PIKFYVE: variants seen among roughly 807,000 people sequenced by gnomAD.
PIKFYVE encodes 1-phosphatidylinositol 3-phosphate 5-kinase.
PIKFYVE carries 122 observed loss-of-function variants against 257.9 expected under a neutral mutation model. The observed-to-expected ratio is 0.47, with a 90% CI of 0.41 to 0.55. The LOEUF (loss-of-function observed/expected upper bound fraction) is 0.55. PIKFYVE is among the 20% of genes least tolerant of loss of function. PIKFYVE has a pLI of 0.00. For missense variants in PIKFYVE, 2,160 were observed against 2,536.6 expected (o/e 0.85, Z 3.19); for synonymous variants, 892 against 868.9 (o/e 1.03, Z -0.47).
intron 12 of PIKFYVE, among the ~76,000 whole-genome samples, chr2:208,305,756 T>A (rs1391959343): frequency 2.0e-5 from 3 of 152,202 alleles, no homozygotes; most frequent in African/African-American, 7.2e-5. Context: ...CAATTTAAAT[T>A]ATAGTCCTAT....
At position 208,274,116 on chromosome 2, in the gene PIKFYVE, T is replaced by C. The variant is rs1689787759; in HGVS notation, c.322+383T>C. 4 of 1,522,186 alleles carry C rather than the reference T, an allele frequency of 2.6e-6. No individual in the cohort carries two copies. In the South Asian group the frequency reaches 4.6e-5, roughly 18 times the overall value. 94.3% of individuals were successfully genotyped at this position (1,522,186 alleles called of 1,614,324 possible). A position where few individuals can be genotyped will look rare whatever the true frequency, so the allele number is the denominator to read the frequency against. ...CTTGGGGTGCTAGTGAAATGTGATA[T>C]GCATGCCTCTGGCTGCAGAACTCTG... On this transcript the variant is annotated intron_variant, in intron 3 of 41. Transcript: ENST00000264380.
At chr2:208,273,490 C>T in intron 2 of PIKFYVE, 94 bp from the exon 3 acceptor site, 2 of 1,423,956 alleles carry the variant, frequency 1.4e-6, no homozygotes, top group South Asian at 1.2e-5. Flanking sequence ...GCATATAATA[C>T]ATGCATACAT....
Position 208,325,475 on chromosome 2 carries a change from A to G in PIKFYVE, c.2664A>G (p.Ser888=). 5 of 1,614,186 alleles carry G rather than the reference A, an allele frequency of 3.1e-6. No individual in the cohort carries two copies. Among genetic ancestry groups the G allele is most frequent in the Non-Finnish European group, 4.2e-6 (5 of 1,180,002 alleles). ...CTCCCACATTAATGCAAAACCCTTC[A>G]TTCCATTCCCTGATTGAGGGACGAG... ...AMPPTLMQNP[S]FHSLIEGRGH... is the part of the protein sequence containing the mutation. Residue 888 remains serine (S), a synonymous_variant, in exon 20 of 42, where the codon TCA becomes TCG. Transcript: ENST00000264380.
At chr2:208,305,807 G>A (rs1229716341) in intron 12 of PIKFYVE, among the ~76,000 whole-genome samples, 1 of 152,062 alleles carries the variant, frequency 6.6e-6, no homozygotes, top group Non-Finnish European at 1.5e-5. Context: ...AAATACATGA[G>A]TAAATAAATA....
At chr2:208,351,166 A>G (rs1039146692) in intron 37 of PIKFYVE, among the ~76,000 whole-genome samples, 186 bp from the exon 38 acceptor site, 26 of 152,366 alleles carry the variant, frequency 1.7e-4, no homozygotes, top group African/African-American at 5.8e-4. Flanking sequence ...GTTTTTGACT[A>G]TATAAATCCA....
At chr2:208,274,011 G>T (rs1689770198) in intron 3 of PIKFYVE, 4 of 1,611,468 alleles carry the variant, frequency 2.5e-6, no homozygotes, top group Admixed American at 1.7e-5. Context: ...ACTTGCTTGG[G>T]TTTCAGCAGA....
intron 9 of PIKFYVE, among the ~76,000 whole-genome samples, chr2:208,301,469 C>T (rs1693675428): frequency 1.3e-5 from 2 of 152,158 alleles, no homozygotes; most frequent in South Asian, 4.1e-4. Flanking sequence ...CCTGTCGGGT[C>T]CTAGCTTGCC....
At chr2:208,351,167 TATAA>T (rs1355658759) in intron 37 of PIKFYVE, among the ~76,000 whole-genome samples, 181 bp from the exon 38 acceptor site, 1 of 152,228 alleles carries the variant, frequency 6.6e-6, no homozygotes, top group African/African-American at 2.4e-5. Context: ...TTTTTGACTA[TATAA>T]ATCCACAGGA....
Position 208,325,147 on chromosome 2 carries a change from A to T in PIKFYVE, c.2458+110A>T. ...TAATAGTGGGTAAGTGAGGATAGGC[A>T]ACTGTGATCTTATTCATGTAAGAGT... On this transcript the variant is annotated intron_variant, in intron 19 of 41. Coordinates refer to ENST00000264380, the MANE Select transcript of PIKFYVE (RefSeq NM_015040.4). 7.0e-6 allele frequency: 11 copies of T among 1,570,480 alleles called. No individual in the cohort carries two copies. The South Asian group carries it at 1.2e-4, about 17-fold the overall frequency.
rs750911551 is a variant in PIKFYVE, at chr2:208,274,064, A to C, written c.322+331A>C. ...CCCAGGAGAACACAGGTTAGTTTCC[A>C]CTTTGTGAATGAATTCTGCATCTGT... On this transcript the variant is annotated intron_variant, in intron 3 of 41. Transcript: ENST00000264380. 13 of 1,610,744 alleles carry C rather than the reference A, an allele frequency of 8.1e-6. No individual in the cohort carries two copies. The East Asian group carries it at 2.9e-4, about 36-fold the overall frequency.
intron 13 of PIKFYVE, 105 bp from the exon 14 acceptor site, chr2:208,314,189 T>G (rs1157239791): frequency 1.5e-6 from 2 of 1,296,518 alleles, no homozygotes; most frequent in Non-Finnish European, 2.2e-6. Flanking sequence ...TTATGTTGGC[T>G]AACTTAAAAC....
At chr2:208,324,414 T>C (rs149909581) in intron 18 of PIKFYVE, 132 bp downstream of exon 18, 5 of 900,988 alleles carry the variant, frequency 5.5e-6, no homozygotes, top group African/African-American at 3.4e-5. Flanking sequence ...ACAGAAGATA[T>C]GGCACCTATT....
At chr2:208,331,296 T>C (rs906104893) in intron 23 of PIKFYVE, among the ~76,000 whole-genome samples, 1 of 152,178 alleles carries the variant, frequency 6.6e-6, no homozygotes, top group South Asian at 2.1e-4. Flanking sequence ...CAATATTGTG[T>C]TTTTTTTAAA....
At chr2:208,341,249 C>G (rs6435448) in intron 31 of PIKFYVE, among the ~76,000 whole-genome samples, 111,674 of 152,044 alleles carry the variant, frequency 0.73, 43,599 homozygotes, top group East Asian at 0.93. Context: ...CTCAGGTGAT[C>G]TGCCCACCTC....
intron 38 of PIKFYVE, among the ~76,000 whole-genome samples, 171 bp from the exon 39 acceptor site, chr2:208,352,483 C>T (rs952410305): frequency 6.6e-6 from 1 of 152,044 alleles, no homozygotes; most frequent in African/African-American, 2.4e-5. Flanking sequence ...TTTTTATTGG[C>T]ATTGCTGCTG....
At chr2:208,337,283 T>A (rs1310744377) in intron 28 of PIKFYVE, among the ~76,000 whole-genome samples, 2 of 152,168 alleles carry the variant, frequency 1.3e-5, no homozygotes, top group Non-Finnish European at 1.5e-5. Flanking sequence ...TGGTTGTTTT[T>A]AAAATCTCCG....
intron 18 of PIKFYVE, among the ~76,000 whole-genome samples, 177 bp downstream of exon 18, chr2:208,324,459 A>T (rs1017170987): frequency 6.6e-6 from 1 of 152,208 alleles, no homozygotes; most frequent in Non-Finnish European, 1.5e-5. Flanking sequence ...TGGAACTGGA[A>T]GAAAGTATAA....
At chr2:208,308,442 A>G (rs939062590) in intron 12 of PIKFYVE, among the ~76,000 whole-genome samples, 1 of 151,826 alleles carries the variant, frequency 6.6e-6, no homozygotes, top group African/African-American at 2.4e-5. Flanking sequence ...CTTAGTGGTG[A>G]GAACCTTTGA....
rs146394590 is a variant in PIKFYVE at position 208,272,016 on chromosome 2, C to T, written c.172+325C>T. 2.0e-3 allele frequency among the ~76,000 whole-genome samples: 308 copies of T among 152,172 alleles called. 7 individuals are homozygous for T. Among genetic ancestry groups the T allele is most frequent in the African/African-American group, 7.1e-3 (294 of 41,514 alleles). Reference sequence around the variant, plus strand: ...TTGGGAGGCTGAGGCGGGTGGATCACGAGGTCAGGAGATCAAGACCATCCT... The same window carrying T: ...TTGGGAGGCTGAGGCGGGTGGATCATGAGGTCAGGAGATCAAGACCATCCT... On this transcript the variant is annotated intron_variant, in intron 2 of 41. Transcript: ENST00000264380.
Sources: gnomAD v4.1 joint callset for allele counts (sites outside exome capture counted in the v4.1 genomes callset) on GRCh38, gnomAD v4.1.1 for gene constraint, MANE v1.5 for transcripts, NCBI Gene and HGNC (gene_info 2026-07-23, HGNC 2026-07-21) for gene names.